The following TBC1D1 variants were observed in gnomAD, a reference collection of about 807,000 sequenced individuals.
TBC1D1 encodes the protein TBC1 domain family member 1, also known as TBC1 (tre-2/USP6, BUB2, cdc16) domain family, member 1.
In TBC1D1, 89 loss-of-function variants were observed where a neutral mutation model predicts 125.6. The ratio of observed to expected loss-of-function variants is 0.71; its 90% confidence interval spans 0.60 to 0.85. The LOEUF is 0.85. Among genes scored for constraint, TBC1D1 ranks in the 40% least tolerant of loss-of-function variants. The probability of loss-of-function intolerance (pLI) is 0.00; values close to 1 mark genes in which losing one functional copy is unlikely to be tolerated. For synonymous variants in TBC1D1, 565 were observed against 564.1 expected (o/e 1.00, Z -0.02); for missense variants, 1,377 against 1,469.2 (o/e 0.94, Z 1.03).
intron 2 of TBC1D1, among the ~76,000 whole-genome samples, chr4:37,916,693 C>T (rs752730327): frequency 5.3e-5 from 8 of 152,058 alleles, no homozygotes; most frequent in Admixed American, 2.0e-4. Context: ...TGATGGTGAG[C>T]AGGGGGAATG....
Position 38,018,438 on chromosome 4 carries a change from T to A in TBC1D1, c.967T>A (p.Ser323Thr). 6.2e-7 allele frequency: 1 copy of A among 1,600,932 alleles called. No homozygotes were observed. Among genetic ancestry groups the A allele is most frequent in the Non-Finnish European group, 8.5e-7 (1 of 1,171,504 alleles). Residue 323 changes from serine (S) to threonine (T), a missense_variant, in exon 4 of 20, where the codon TCT becomes ACT. Coordinates refer to ENST00000261439, the MANE Select transcript of TBC1D1 (RefSeq NM_015173.4). ...AAATTTTAAGGAGATATCCTTTTGC[T>A]CTCAGGTAAATGGAGATGGGTTTTT...
At chr4:38,053,084 CT>C in intron 11 of TBC1D1, 21 bp from the exon 13 acceptor site, 3 of 1,391,424 alleles carry the variant, frequency 2.2e-6, no homozygotes, top group South Asian at 1.8e-5. Context: ...ATCCTAAACT[CT>C]TTTTTCAACC....
intron 12 of TBC1D1, among the ~76,000 whole-genome samples, chr4:38,056,912 T>G (rs1751821040): frequency 6.6e-6 from 1 of 152,204 alleles, no homozygotes; most frequent in Admixed American, 6.5e-5. Context: ...GCGATTGTTT[T>G]GAGTCTTGAG....
chr4:38,053,962 T>C (rs1751199874), intron 11 of TBC1D1, among the ~76,000 whole-genome samples: 1 of 152,242 alleles, frequency 6.6e-6, no homozygotes. Context: ...TAATCTCTGT[T>C]ACAATCGAAA....
intron 18 of TBC1D1, among the ~76,000 whole-genome samples, chr4:38,130,917 A>G (rs1056306291): frequency 2.0e-5 from 3 of 152,256 alleles, no homozygotes; most frequent in Middle Eastern, 3.4e-3. Context: ...TGTGCTGTCT[A>G]AGTGTGCAAG....
At chr4:38,044,965 C>G (rs1019873065) in intron 9 of TBC1D1, among the ~76,000 whole-genome samples, 1 of 152,236 alleles carries the variant, frequency 6.6e-6, no homozygotes, top group Non-Finnish European at 1.5e-5. Context: ...CCGCCACATC[C>G]ATTCATTTTC....
intron 14 of TBC1D1, among the ~76,000 whole-genome samples, chr4:38,097,941 C>T (rs1482110604): frequency 6.6e-6 from 1 of 152,216 alleles, no homozygotes; most frequent in Non-Finnish European, 1.5e-5. Context: ...GATAAGGAAA[C>T]TTGGGCTTAG....
chr4:37,985,735 C>G (rs1735306945), intron 2 of TBC1D1, among the ~76,000 whole-genome samples: 1 of 152,132 alleles, frequency 6.6e-6, no homozygotes, highest in Admixed American at 6.5e-5. Context: ...AGGGTAGATA[C>G]TGAGATGAGT....
intron 1 of TBC1D1, among the ~76,000 whole-genome samples, chr4:37,892,334 T>G (rs994216567): frequency 6.6e-6 from 1 of 152,090 alleles, no homozygotes; most frequent in Non-Finnish European, 1.5e-5. Context: ...GAGGATCACT[T>G]GAGCCCAGGA....
At chr4:38,100,404 T>A (rs1760093984) in intron 14 of TBC1D1, among the ~76,000 whole-genome samples, 1 of 152,220 alleles carries the variant, frequency 6.6e-6, no homozygotes. Context: ...TCTGCCTCCT[T>A]GGTCACATTG....
chr4:38,097,226 G>A (rs540616678), intron 14 of TBC1D1, among the ~76,000 whole-genome samples: 1 of 152,026 alleles, frequency 6.6e-6, no homozygotes, highest in African/African-American at 2.4e-5. Context: ...GCAATGGCGC[G>A]ATCTCAGCTC....
At chr4:37,969,589 A>C (rs1181440322) in intron 2 of TBC1D1, among the ~76,000 whole-genome samples, 1 of 152,156 alleles carries the variant, frequency 6.6e-6, no homozygotes, top group African/African-American at 2.4e-5. Flanking sequence ...CGGGTGATCC[A>C]CTGCCTCAGC....
At chr4:38,121,303 A>G (rs1763814392) in intron 17 of TBC1D1, among the ~76,000 whole-genome samples, 1 of 152,234 alleles carries the variant, frequency 6.6e-6, no homozygotes, top group South Asian at 2.1e-4. Flanking sequence ...GCAAGCTCAC[A>G]TAGGAAGATT....
intron 2 of TBC1D1, among the ~76,000 whole-genome samples, chr4:37,930,489 C>A (rs951582690): frequency 9.9e-5 from 15 of 151,594 alleles, no homozygotes; most frequent in Non-Finnish European, 4.4e-5. Context: ...GCCTGGCCAA[C>A]TTTTTGGATT....
At chr4:37,927,645 T>C (rs1288866745) in intron 2 of TBC1D1, among the ~76,000 whole-genome samples, 4 of 152,206 alleles carry the variant, frequency 2.6e-5, no homozygotes, top group Admixed American at 6.5e-5. Flanking sequence ...ATTATGCAAA[T>C]GAAATGTAAT....
In TBC1D1 at chr4:37,902,181, T is replaced by G; in HGVS notation, c.86T>G (p.Leu29Arg). 1 of 1,614,118 alleles carries G rather than the reference T, an allele frequency of 6.2e-7. No individual in the cohort carries two copies. Among genetic ancestry groups the G allele is most frequent in the Non-Finnish European group, 8.5e-7 (1 of 1,180,022 alleles). Residue 29 changes from leucine to arginine, a missense_variant, in exon 2 of 20, where the codon CTG becomes CGG. By Grantham distance (102) the Leu-to-Arg change is moderately radical. This residue lies in a region of TBC1D1 where 822 missense variants were observed against 824.6 expected (regional missense o/e 1.00). Transcript: ENST00000261439. ...TTTGGCCTGCAGCTGGTGGGCTCCC[T>G]GCCTGTGCATTCCCTGACCACCATG...
chr4:37,933,425 A>G (rs1723709585), intron 2 of TBC1D1, among the ~76,000 whole-genome samples: 1 of 128,164 alleles, frequency 7.8e-6, no homozygotes, highest in Non-Finnish European at 1.6e-5. Context: ...GTATACACAC[A>G]TATGTTTTAC....
chr4:37,920,227 GT>G (rs980851907), intron 2 of TBC1D1, among the ~76,000 whole-genome samples: 1 of 152,210 alleles, frequency 6.6e-6, no homozygotes, highest in African/African-American at 2.4e-5. Flanking sequence ...TTAGAGTCCG[GT>G]GGGCCCTGGG....
intron 2 of TBC1D1, among the ~76,000 whole-genome samples, chr4:37,935,024 C>G (rs904150023): frequency 6.6e-6 from 1 of 152,092 alleles, no homozygotes; most frequent in Non-Finnish European, 1.5e-5. Flanking sequence ...CTTGAGCTGG[C>G]CTTGGAGCAC....
Sources: gnomAD v4.1 joint callset for allele counts (sites outside exome capture counted in the v4.1 genomes callset) on GRCh38, gnomAD v4.1.1 for gene constraint, gnomAD v4.1.1 regional missense constraint, MANE v1.5 for transcripts, NCBI Gene and HGNC (gene_info 2026-07-23, HGNC 2026-07-21) for gene names.